Variants in EMP2 observed in about 807,000 individuals in gnomAD.
EMP2 encodes the protein epithelial membrane protein 2.
In EMP2, 19 loss-of-function variants were observed where a neutral mutation model predicts 13.7. That is an observed-to-expected ratio of 1.38 (90% confidence interval 0.97 to 2.03). The LOEUF (loss-of-function observed/expected upper bound fraction) is 2.03. EMP2 is among the 30% of genes most tolerant of loss of function. EMP2 has a pLI of 0.00. For missense variants in EMP2, 253 were observed against 220.7 expected (o/e 1.15, Z -0.93); for synonymous variants, 97 against 84.7 (o/e 1.15, Z -0.80).
At chr16:10,559,369 G>A (rs532384604) in intron 1 of EMP2, among the ~76,000 whole-genome samples, 3 of 152,326 alleles carry the variant, frequency 2.0e-5, no homozygotes, top group South Asian at 4.1e-4. Context: ...ACCCTGGGCC[G>A]CCCAGCTCCA....
At chr16:10,562,370 C>CTATCTA (rs1247258655) in intron 1 of EMP2, among the ~76,000 whole-genome samples, 1 of 149,314 alleles carries the variant, frequency 6.7e-6, no homozygotes, top group African/African-American at 2.5e-5. Context: ...CTCTCTCTCT[C>CTATCTA]TCTCTCTCTC....
At chr16:10,571,509 T>A (rs2050947307) in intron 1 of EMP2, among the ~76,000 whole-genome samples, 1 of 152,032 alleles carries the variant, frequency 6.6e-6, no homozygotes, top group Non-Finnish European at 1.5e-5. Flanking sequence ...ATTCGGAAGG[T>A]CAGTCAGCCA....
chr16:10,571,312 G>A (rs895134256), intron 1 of EMP2, among the ~76,000 whole-genome samples: 8 of 150,820 alleles, frequency 5.3e-5, no homozygotes, highest in Non-Finnish European at 1.0e-4. Context: ...AAAAAGAGTG[G>A]GCTAGAGGAG....
At chr16:10,565,832 G>A (rs1035246349) in intron 1 of EMP2, among the ~76,000 whole-genome samples, 1 of 152,194 alleles carries the variant, frequency 6.6e-6, no homozygotes, top group Non-Finnish European at 1.5e-5. Context: ...ATGCCTAGGG[G>A]GCTATGAGGT....
chr16:10,549,711 G>GCA (rs1199330322), intron 1 of EMP2, among the ~76,000 whole-genome samples: 49 of 94,076 alleles, frequency 5.2e-4, no homozygotes, highest in African/African-American at 2.4e-3. Context: ...ATGGATTAAT[G>GCA]CACGCACACA....
At chr16:10,552,803 G>T (rs528867001) in intron 1 of EMP2, among the ~76,000 whole-genome samples, 2 of 152,334 alleles carry the variant, frequency 1.3e-5, no homozygotes, top group South Asian at 4.1e-4. Flanking sequence ...GTTGTCAAAT[G>T]CTGATGTCTG....
At chr16:10,543,479 A>C (rs2050716239) in intron 3 of EMP2, 91 bp downstream of exon 3, 6 of 1,395,612 alleles carry the variant, frequency 4.3e-6, no homozygotes, top group Admixed American at 1.7e-5. Context: ...AGTGGAGGAG[A>C]GGGTACGGAG....
At chr16:10,541,646 G>A (rs888004170) in intron 3 of EMP2, among the ~76,000 whole-genome samples, 2 of 152,190 alleles carry the variant, frequency 1.3e-5, no homozygotes, top group African/African-American at 4.8e-5. Context: ...AGGGAAGGAG[G>A]GCTGTTCCCA....
intron 1 of EMP2, among the ~76,000 whole-genome samples, chr16:10,560,355 C>T (rs990705300): frequency 1.3e-5 from 2 of 152,186 alleles, no homozygotes; most frequent in African/African-American, 4.8e-5. Context: ...CAGGGTAGTA[C>T]CTGTCAGTGA....
chr16:10,534,153 G>C lies in EMP2; in HGVS notation c.317-1061C>G, dbSNP rs140318136. ...AAATATGACTGCCTGAAAAGAGAGCGATGAGGGAGGAGAAAGCTTTTTTAA... is the reference window on the plus strand; with the variant it reads ...AAATATGACTGCCTGAAAAGAGAGCCATGAGGGAGGAGAAAGCTTTTTTAA... On this transcript the variant is annotated intron_variant, in intron 4 of 4. Transcript: ENST00000359543. Among the ~76,000 whole-genome samples, 1,108 of 152,146 alleles carry C rather than the reference G, an allele frequency of 7.3e-3. 16 individuals are homozygous for C. Among genetic ancestry groups the C allele is most frequent in the African/African-American group, 0.026 (1,065 of 41,484 alleles).
intron 1 of EMP2, among the ~76,000 whole-genome samples, chr16:10,573,879 T>C (rs1002067347): frequency 6.6e-6 from 1 of 151,748 alleles, no homozygotes; most frequent in Admixed American, 6.6e-5. Flanking sequence ...GTTCTTTTTT[T>C]AAACTCAGTA....
intron 1 of EMP2, among the ~76,000 whole-genome samples, chr16:10,551,915 T>C (rs923713069): frequency 1.3e-5 from 2 of 152,050 alleles, no homozygotes; most frequent in Non-Finnish European, 2.9e-5. Flanking sequence ...CAGGACACAC[T>C]AACAATGAGC....
chr16:10,535,661 G>C (rs897315400), intron 4 of EMP2, among the ~76,000 whole-genome samples: 3 of 152,130 alleles, frequency 2.0e-5, no homozygotes, highest in African/African-American at 7.2e-5. Context: ...AGTGAGCCAT[G>C]ATCACGCCAC....
Position 10,528,568 on chromosome 16 carries a change from T to C in EMP2, c.*4337A>G, listed in dbSNP as rs1440005380. 6.6e-6 allele frequency: 1 copy of C among 152,218 alleles called. No homozygotes were observed. Among genetic ancestry groups the C allele is most frequent in the Non-Finnish European group, 1.5e-5 (1 of 68,044 alleles). 9.4% of individuals were successfully genotyped at this position (152,218 alleles called of 1,614,324 possible). On this transcript the variant is annotated 3_prime_UTR_variant, in exon 5 of 5. Transcript: ENST00000359543. ...ACCGTTGGGAACATTAGAGTCTTGC[T>C]CTGGGCAATCTGGTTTTAAACTTTA...
intron 1 of EMP2, among the ~76,000 whole-genome samples, chr16:10,552,515 G>C (rs1030677134): frequency 2.0e-5 from 3 of 152,198 alleles, no homozygotes; most frequent in Admixed American, 6.5e-5. Context: ...TTTGGTGCTA[G>C]TCAGTCTCCA....
At chr16:10,566,660 G>C (rs1010099037) in intron 1 of EMP2, among the ~76,000 whole-genome samples, 2 of 152,242 alleles carry the variant, frequency 1.3e-5, no homozygotes, top group East Asian at 3.9e-4. Flanking sequence ...GTCTTCAGTG[G>C]TCTCCAACCA....
At position 10,542,403 on chromosome 16, in the gene EMP2, C is replaced by CAAAT. The variant is rs765885451; in HGVS notation, c.169+1166_169+1167insATTT. ...ACAGAGTGAGACCCTGTCTCAAAAA[C>CAAAT]AAACAAACAAACAAACAAAAACCAA... On this transcript the variant is annotated intron_variant, in intron 3 of 4. Transcript: ENST00000359543. Among the ~76,000 whole-genome samples, 6 of 147,854 alleles carry CAAAT rather than the reference C, an allele frequency of 4.1e-5. No homozygotes were observed. In the East Asian group the frequency reaches 1.2e-3, roughly 29 times the overall value.
rs192033735 is a variant in EMP2, at chr16:10,549,274, T to C, written c.-60-1597A>G. 2.0e-3 allele frequency among the ~76,000 whole-genome samples: 307 copies of C among 152,282 alleles called. 1 individual carries two copies. The highest frequency in any genetic ancestry group is 0.01 in the Middle Eastern group (3 of 294). On this transcript the variant is annotated intron_variant, in intron 1 of 4. Coordinates refer to ENST00000359543, the MANE Select transcript of EMP2 (RefSeq NM_001424.6). ...AAGTCTTACAACAGAACTACAGTTG[T>C]CCAAAGTTGATAAAAATGTCATGGG...
chr16:10,564,765 G>A (rs1004201879), intron 1 of EMP2, among the ~76,000 whole-genome samples: 3 of 152,112 alleles, frequency 2.0e-5, no homozygotes, highest in Non-Finnish European at 4.4e-5. Flanking sequence ...AGGAGGGAAG[G>A]AAATGCAAAC....
Sources: allele counts gnomAD v4.1 joint callset (sites outside exome capture counted in the v4.1 genomes callset), GRCh38; gene constraint gnomAD v4.1.1; transcripts MANE v1.5; gene names NCBI Gene and HGNC (gene_info 2026-07-23, HGNC 2026-07-21).